The following C8A variants were observed in gnomAD, a reference collection of about 807,000 sequenced individuals.
The protein encoded by C8A is complement C8 alpha chain.
C8A carries 67 observed loss-of-function variants against 65.3 expected under a neutral mutation model. The ratio of observed to expected loss-of-function variants is 1.03; its 90% CI spans 0.84 to 1.26. The LOEUF is 1.26. C8A is among the 50% of genes most tolerant of loss of function. C8A has a pLI of 0.00. For synonymous variants in C8A, 290 were observed against 259.4 expected, an observed-to-expected ratio of 1.12 and a Z score of -1.13; for missense variants, 781 against 723.9, an observed-to-expected ratio of 1.08 and a Z score of -0.90.
chr1:56,878,505 G>A (rs1008996300), intron 4 of C8A, among the ~76,000 whole-genome samples: 1 of 152,130 alleles, frequency 6.6e-6, no homozygotes, highest in African/African-American at 2.4e-5. Flanking sequence ...TGAACAGTGT[G>A]CTTCACCCAC....
chr1:56,917,785 C>A lies in C8A; in HGVS notation c.*69C>A, dbSNP rs1325744144. 2 of 1,563,286 alleles carry A rather than the reference C, an allele frequency of 1.3e-6. No individual in the cohort carries two copies. The highest frequency in any genetic ancestry group is 1.4e-5 in the African/African-American group (1 of 73,838). ...CCCTGCACTGACTATTGGATAAAGA[C>A]TTCTTTCAACTAAGAGAAGATGCAA... On this transcript the variant is annotated 3_prime_UTR_variant, in exon 11 of 11. Coordinates refer to ENST00000361249, the MANE Select transcript of C8A (RefSeq NM_000562.3).
chr1:56,882,496 C>T (rs1644255831), intron 5 of C8A, among the ~76,000 whole-genome samples: 1 of 152,156 alleles, frequency 6.6e-6, no homozygotes, highest in Non-Finnish European at 1.5e-5. Flanking sequence ...CTAGATCTGT[C>T]TGAACTAAGT....
chr1:56,885,803 G>A, intron 6 of C8A, 124 bp from the exon 7 acceptor site: 1 of 1,314,742 alleles, frequency 7.6e-7, no homozygotes, highest in South Asian at 1.2e-5. Flanking sequence ...TCCAGCTTCT[G>A]CCTCCCAAAA....
At chr1:56,879,685 C>T (rs1334012934) in intron 4 of C8A, among the ~76,000 whole-genome samples, 3 of 152,054 alleles carry the variant, frequency 2.0e-5, no homozygotes, top group Admixed American at 6.5e-5. Context: ...GCAAAGTTGT[C>T]GTGAGGTTGA....
chr1:56,877,957 G>T (rs1033897825), intron 4 of C8A, among the ~76,000 whole-genome samples: 9 of 152,168 alleles, frequency 5.9e-5, no homozygotes, highest in Non-Finnish European at 1.3e-4. Flanking sequence ...GTATTAGTTT[G>T]CTGGGATTGC....
intron 7 of C8A, among the ~76,000 whole-genome samples, chr1:56,888,175 G>T (rs115657851): frequency 6.6e-6 from 1 of 152,164 alleles, no homozygotes; most frequent in East Asian, 1.9e-4. Context: ...TATCCAGATA[G>T]CAAGATATTT....
chr1:56,900,178 A>G (rs1456485854), intron 7 of C8A, among the ~76,000 whole-genome samples: 1 of 152,178 alleles, frequency 6.6e-6, no homozygotes, highest in East Asian at 1.9e-4. Flanking sequence ...TTTCAGGACT[A>G]CCATTGGCTA....
chr1:56,907,666 A>ATGAG (rs141869431), intron 8 of C8A, among the ~76,000 whole-genome samples: 3,469 of 152,290 alleles, frequency 0.023, 57 homozygotes, highest in Admixed American at 0.061. Context: ...GTAAGAATGA[A>ATGAG]TGAGTGAATG....
chr1:56,912,541 G>A lies in C8A; in HGVS notation c.1519G>A (p.Val507Met). 1 of 1,614,212 alleles carries A rather than the reference G, an allele frequency of 6.2e-7. No individual in the cohort carries two copies. Among genetic ancestry groups the A allele is most frequent in the Non-Finnish European group, 8.5e-7 (1 of 1,180,040 alleles). ...CRCGPCFNNG[V>M]PILEGTSCRC... ...ATGTGGGCCTTGCTTCAACAATGGGGTGCCCATCCTCGAGGGCACCAGCTG... is the reference window on the plus strand; with the variant it reads ...ATGTGGGCCTTGCTTCAACAATGGGATGCCCATCCTCGAGGGCACCAGCTG... Residue 507 changes from valine to methionine, a missense_variant, in exon 10 of 11, where the codon GTG (valine) becomes ATG (methionine). By Grantham distance (21) the Val-to-Met change is conservative. Transcript: ENST00000361249.
At chr1:56,899,880 G>A (rs1033398647) in intron 7 of C8A, among the ~76,000 whole-genome samples, 1 of 152,188 alleles carries the variant, frequency 6.6e-6, no homozygotes, top group South Asian at 2.1e-4. Context: ...CCATCTTACA[G>A]ATGGGAAAAC....
At chr1:56,896,979 G>A (rs946108721) in intron 7 of C8A, among the ~76,000 whole-genome samples, 2 of 152,162 alleles carry the variant, frequency 1.3e-5, no homozygotes, top group African/African-American at 4.8e-5. Flanking sequence ...GGCACTGAAA[G>A]GCAAGATGAC....
intron 1 of C8A, among the ~76,000 whole-genome samples, chr1:56,858,493 A>G (rs910003247): frequency 1.3e-5 from 2 of 152,226 alleles, no homozygotes; most frequent in Non-Finnish European, 2.9e-5. Context: ...ATAGAGGACA[A>G]CTATCTAAGC....
In C8A at chr1:56,883,549, A is replaced by G; in HGVS notation, c.723A>G (p.Lys241=). The G allele has an allele frequency of 6.2e-7, 1 of 1,614,032 alleles. No homozygotes were observed. The highest frequency in any genetic ancestry group is 1.1e-5 in the South Asian group (1 of 91,078). ...DNANDLLSKV[K]KDKSDSFGVT... is the part of the protein sequence containing the mutation. ...CAAATGACCTTCTTTCCAAAGTTAA[A>G]AAAGACAAGTCTGACTCATTTGGAG... is the stretch of plus-strand genomic sequence containing the variant. The change falls in exon 6 of 11, where the codon AAA becomes AAG. Residue 241 remains lysine, a synonymous_variant. Coordinates refer to ENST00000361249, the MANE Select transcript of C8A (RefSeq NM_000562.3).
chr1:56,912,019 C>T (rs17114586), intron 9 of C8A, among the ~76,000 whole-genome samples: 15,583 of 152,126 alleles, frequency 0.1, 1,248 homozygotes, highest in African/African-American at 0.22. Flanking sequence ...TCCAGGATCA[C>T]TGTGAGGATT....
At chr1:56,863,535 C>A (rs1321245694) in intron 1 of C8A, among the ~76,000 whole-genome samples, 1 of 152,208 alleles carries the variant, frequency 6.6e-6, no homozygotes, top group Non-Finnish European at 1.5e-5. Context: ...CTTACAATGA[C>A]ATTATCTTGA....
intron 9 of C8A, among the ~76,000 whole-genome samples, chr1:56,911,239 A>T (rs1644503404): frequency 1.3e-5 from 2 of 152,146 alleles, no homozygotes; most frequent in South Asian, 4.1e-4. Flanking sequence ...TCAGACTTAG[A>T]CAGGGGCAGT....
intron 2 of C8A, among the ~76,000 whole-genome samples, chr1:56,871,347 C>T (rs759106646): frequency 8.5e-5 from 13 of 152,170 alleles, no homozygotes; most frequent in African/African-American, 2.7e-4. Flanking sequence ...TACTGCCTCC[C>T]GCTGAACCAT....
chr1:56,885,390 A>G (rs1331473369), intron 6 of C8A, among the ~76,000 whole-genome samples: 1 of 107,390 alleles, frequency 9.3e-6, no homozygotes, highest in East Asian at 3.6e-4. Context: ...TTAAATATAT[A>G]TTTAAATAAA....
At chr1:56,891,407 A>C (rs1203059529) in intron 7 of C8A, among the ~76,000 whole-genome samples, 2 of 152,156 alleles carry the variant, frequency 1.3e-5, no homozygotes, top group Non-Finnish European at 2.9e-5. Flanking sequence ...TATGGACTGT[A>C]TCTGTGGTGG....
Sources: gnomAD v4.1 joint callset for allele counts (sites outside exome capture counted in the v4.1 genomes callset) on GRCh38, gnomAD v4.1.1 for gene constraint, MANE v1.5 for transcripts, NCBI Gene and HGNC (gene_info 2026-07-23, HGNC 2026-07-21) for gene names.